The following VPS13C variants were observed in gnomAD, a reference collection of about 807,000 sequenced individuals.
The protein encoded by VPS13C is vacuolar protein sorting 13 homolog C.
A neutral mutation model predicts 456.8 loss-of-function variants in VPS13C; 358 were observed. The observed-to-expected ratio is 0.78, with a 90% CI of 0.72 to 0.86. VPS13C has a LOEUF of 0.86. Ranked by LOEUF, VPS13C falls within the 40% of genes least tolerant of loss-of-function variation. VPS13C has a pLI of 0.00. For missense variants in VPS13C, 4,818 were observed against 4,385.4 expected, an observed-to-expected ratio of 1.10 and a Z score of -2.79; for synonymous variants, 1,578 against 1,486.7, an observed-to-expected ratio of 1.06 and a Z score of -1.41.
At chr15:62,017,820 A>T (rs1270450447) in intron 9 of VPS13C, among the ~76,000 whole-genome samples, 1 of 152,302 alleles carries the variant, frequency 6.6e-6, no homozygotes, top group Non-Finnish European at 1.5e-5. Flanking sequence ...CAATTCTGTG[A>T]AGAAAGTCAT....
Position 61,877,057 on chromosome 15 carries a change from G to T in VPS13C, c.10143-3C>A. ...ATCGAATTTCATAATAAGCAAGTCT[G>T]GGAGGAGAAAAAGGAAAGATTCAAA... On this transcript the variant is annotated splice_region_variant and splice_polypyrimidine_tract_variant and intron_variant, in intron 74 of 84. Transcript: ENST00000644861. 6.3e-7 allele frequency: 1 copy of T among 1,595,648 alleles called. No homozygotes were observed. Among genetic ancestry groups the T allele is most frequent in the South Asian group, 1.1e-5 (1 of 87,824 alleles).
intron 83 of VPS13C, among the ~76,000 whole-genome samples, chr15:61,855,990 T>C (rs991611399): frequency 1.3e-5 from 2 of 151,180 alleles, no homozygotes; most frequent in Admixed American, 6.6e-5. Context: ...TGGGTGTCCA[T>C]ATGAAGTTAA....
intron 48 of VPS13C, among the ~76,000 whole-genome samples, chr15:61,934,997 C>A (rs1157799019): frequency 6.6e-6 from 1 of 152,126 alleles, no homozygotes; most frequent in East Asian, 1.9e-4. Flanking sequence ...GTGATCTGCC[C>A]ACCTCGGCCT....
At chr15:61,921,159 T>G (rs2043641379) in intron 55 of VPS13C, among the ~76,000 whole-genome samples, 1 of 152,138 alleles carries the variant, frequency 6.6e-6, no homozygotes, top group Non-Finnish European at 1.5e-5. Flanking sequence ...AAAACATTCT[T>G]TGTTAGCCTC....
chr15:61,999,579 T>C (rs186856006), intron 16 of VPS13C, among the ~76,000 whole-genome samples: 154 of 152,278 alleles, frequency 1.0e-3, no homozygotes, highest in African/African-American at 3.0e-3. Flanking sequence ...GTATTAACAG[T>C]AGTTACTTTT....
intron 5 of VPS13C, 54 bp from the exon 6 acceptor site, chr15:62,028,474 T>G: frequency 6.6e-7 from 1 of 1,518,170 alleles, no homozygotes; most frequent in Non-Finnish European, 9.1e-7. Flanking sequence ...AAAGACACCT[T>G]TAATTTCACA....
At position 61,940,718 on chromosome 15, in the gene VPS13C, G is replaced by T; in HGVS notation, c.5530C>A (p.Arg1844=). ...KPVNMLLSIQ[R]NLAAAWYVQI... is the part of the protein sequence containing the mutation. The stretch of plus-strand genomic sequence containing the variant: ...ACATACCATGCTGCTGCTAAGTTTC[G>T]CTGTATGGACAAAAGCATGTTGACT... Residue 1844 remains arginine (R), a synonymous_variant, in exon 47 of 85, where the codon CGA becomes AGA. Transcript: ENST00000644861. 6.2e-7 allele frequency: 1 copy of T among 1,613,682 alleles called. No individual in the cohort carries two copies. The highest frequency in any genetic ancestry group is 8.5e-7 in the Non-Finnish European group (1 of 1,179,846).
At chr15:62,027,343 G>T (rs1334037303) in intron 6 of VPS13C, among the ~76,000 whole-genome samples, 1 of 152,060 alleles carries the variant, frequency 6.6e-6, no homozygotes, top group African/African-American at 2.4e-5. Flanking sequence ...AAGCTGGTTT[G>T]ATTATAACCT....
At chr15:62,032,389 C>T (rs1449527209) in intron 5 of VPS13C, among the ~76,000 whole-genome samples, 1 of 151,668 alleles carries the variant, frequency 6.6e-6, no homozygotes, top group Non-Finnish European at 1.5e-5. Flanking sequence ...ACAAAATATG[C>T]TCAAGTGTGA....
intron 24 of VPS13C, among the ~76,000 whole-genome samples, chr15:61,976,645 T>G (rs1321212322): frequency 6.6e-6 from 1 of 152,086 alleles, no homozygotes; most frequent in Non-Finnish European, 1.5e-5. Flanking sequence ...TGCAGCTTAT[T>G]GAACATCAAT....
intron 66 of VPS13C, among the ~76,000 whole-genome samples, chr15:61,896,637 T>A (rs912231195): frequency 6.6e-6 from 1 of 151,836 alleles, no homozygotes; most frequent in African/African-American, 2.4e-5. Flanking sequence ...AGCACAGCAG[T>A]CTGAGATCAA....
At chr15:62,020,023 C>T (rs1330151583) in intron 9 of VPS13C, among the ~76,000 whole-genome samples, 1 of 150,192 alleles carries the variant, frequency 6.7e-6, no homozygotes, top group Non-Finnish European at 1.5e-5. Flanking sequence ...TGTTAAAGAC[C>T]ATTAAAAGAA....
intron 42 of VPS13C, among the ~76,000 whole-genome samples, chr15:61,949,114 T>C (rs1166901198): frequency 6.6e-6 from 1 of 152,218 alleles, no homozygotes; most frequent in Non-Finnish European, 1.5e-5. Context: ...CTTGTATGAC[T>C]GAATCATAAC....
chr15:62,020,733 C>G (rs1484512084), intron 8 of VPS13C, among the ~76,000 whole-genome samples, 195 bp from the exon 9 acceptor site: 1 of 151,950 alleles, frequency 6.6e-6, no homozygotes, highest in Non-Finnish European at 1.5e-5. Flanking sequence ...CATTTCTATG[C>G]TACCAATAAG....
At chr15:61,883,641 T>A (rs2140050392) in intron 68 of VPS13C, among the ~76,000 whole-genome samples, 1 of 152,248 alleles carries the variant, frequency 6.6e-6, no homozygotes, top group African/African-American at 2.4e-5. Flanking sequence ...TATTTGTGGA[T>A]GCCTACTCAG....
At chr15:61,950,563 A>T in intron 40 of VPS13C, 146 bp from the exon 41 acceptor site, 1 of 674,780 alleles carries the variant, frequency 1.5e-6, no homozygotes, top group Non-Finnish European at 2.4e-6. Context: ...TTCAAAAAAA[A>T]AAAACAAAAA....
chr15:62,008,904 C>A, intron 13 of VPS13C, 143 bp from the exon 14 acceptor site: 2 of 404,104 alleles, frequency 4.9e-6, no homozygotes, highest in East Asian at 3.7e-5. Context: ...TGTATTTCAT[C>A]AAATTTAAGA....
chr15:62,027,867 G>C (rs2047688780), intron 6 of VPS13C, among the ~76,000 whole-genome samples: 1 of 152,000 alleles, frequency 6.6e-6, no homozygotes, highest in African/African-American at 2.4e-5. Flanking sequence ...CAGTAGTCTA[G>C]AGGCACCTCC....
chr15:61,859,026 A>T (rs1894082383), intron 82 of VPS13C, among the ~76,000 whole-genome samples: 1 of 152,120 alleles, frequency 6.6e-6, no homozygotes, highest in Non-Finnish European at 1.5e-5. Context: ...AAGAGAGATT[A>T]CTCACGTGTG....
Sources: gnomAD v4.1 joint callset for allele counts (sites outside exome capture counted in the v4.1 genomes callset) on GRCh38, gnomAD v4.1.1 for gene constraint, MANE v1.5 for transcripts, NCBI Gene and HGNC (gene_info 2026-07-23, HGNC 2026-07-21) for gene names.